The following ZNF596 variants were observed in gnomAD, a reference collection of about 807,000 sequenced individuals.
The protein encoded by ZNF596 is zinc finger protein 596.
A neutral mutation model predicts 48.3 loss-of-function variants in ZNF596; 45 were observed. The observed-to-expected ratio is 0.93, with a 90% confidence interval of 0.73 to 1.19. ZNF596 has a LOEUF of 1.19. Among genes scored for constraint, ZNF596 ranks in the 50% most tolerant of loss-of-function variants. ZNF596 has a pLI of 0.00. For synonymous variants in ZNF596, 270 were observed against 202.0 expected (o/e 1.34, Z -2.85); for missense variants, 848 against 599.7 (o/e 1.41, Z -4.32).
At chr8:238,628 CAAAAAAA>C (rs1167168569) in intron 1 of ZNF596, among the ~76,000 whole-genome samples, 5,568 of 39,504 alleles carry the variant, frequency 0.14, 48 homozygotes, top group Non-Finnish European at 0.25. Flanking sequence ...TGGTGAAATA[CAAAAAAA>C]AAAAAAAAAA....
rs375874171 is a variant in ZNF596, at chr8:245,562, C to A, written c.715C>A (p.Arg239=). The change falls in exon 6 of 6, where the codon CGA becomes AGA. Residue 239 remains arginine, a synonymous_variant. Coordinates refer to ENST00000398612, the MANE Select transcript of ZNF596 (RefSeq NM_001042416.3). ...AGCCTTTACTCATTGCTCTGATCTT[C>A]GAAAACATGAGAGAACTCACACTGG... ...GKAFTHCSDL[R]KHERTHTGEK... The A allele has an allele frequency of 6.2e-7, 1 of 1,611,680 alleles. No homozygotes were observed. Among genetic ancestry groups the A allele is most frequent in the Admixed American group, 1.7e-5 (1 of 59,760 alleles).
chr8:243,268 T>C (rs1003289905), intron 3 of ZNF596: 7 of 339,608 alleles, frequency 2.1e-5, no homozygotes, highest in African/African-American at 1.3e-4. Flanking sequence ...CTCTTTAATC[T>C]CCCAAACTCA....
intron 3 of ZNF596, 169 bp downstream of exon 3, chr8:243,182 C>A (rs542635763): frequency 5.9e-6 from 3 of 507,744 alleles, no homozygotes; most frequent in Non-Finnish European, 9.7e-6. Flanking sequence ...ACAGCCATTT[C>A]TTTCCTTTTC....
chr8:240,800 G>T, intron 1 of ZNF596, 24 bp from the exon 2 acceptor site: 13 of 1,499,458 alleles, frequency 8.7e-6, no homozygotes, highest in Middle Eastern at 1.7e-4. Context: ...TGGTTTTTTT[G>T]TTTTTGTTTT....
chr8:235,620 A>G (rs1177543898), intron 1 of ZNF596, among the ~76,000 whole-genome samples: 1 of 152,172 alleles, frequency 6.6e-6, no homozygotes. Context: ...TTTGATGTAT[A>G]TTAGATGCTA....
chr8:240,601 C>G (rs566053007), intron 1 of ZNF596: 2 of 400,476 alleles, frequency 5.0e-6, no homozygotes, highest in African/African-American at 4.0e-5. Flanking sequence ...TATGAAACTC[C>G]ATGATTTTCA....
At chr8:233,907 C>T (rs1487833090) in intron 1 of ZNF596, among the ~76,000 whole-genome samples, 2 of 152,112 alleles carry the variant, frequency 1.3e-5, no homozygotes, top group African/African-American at 4.8e-5. Flanking sequence ...CTGCCACTAT[C>T]GTATTAAGGT....
chr8:232,862 G>A (rs1796467906), intron 1 of ZNF596, 168 bp downstream of exon 1: 8 of 456,194 alleles, frequency 1.8e-5, no homozygotes, highest in Non-Finnish European at 3.2e-5. Context: ...CGGGGTGGCC[G>A]CCTCAGACAG....
At chr8:240,016 GCTT>G (rs1172054263) in intron 1 of ZNF596, among the ~76,000 whole-genome samples, 3 of 152,172 alleles carry the variant, frequency 2.0e-5, no homozygotes, top group Admixed American at 1.3e-4. Context: ...AAGAACAAAA[GCTT>G]CTCCTAGCAA....
chr8:242,455 T>A (rs1021864006), intron 2 of ZNF596, among the ~76,000 whole-genome samples: 4 of 152,232 alleles, frequency 2.6e-5, no homozygotes, highest in African/African-American at 9.6e-5. Flanking sequence ...CTGAGGACAC[T>A]GAGGTCCTAT....
chr8:242,507 T>C (rs555263709), intron 2 of ZNF596, among the ~76,000 whole-genome samples: 2 of 152,290 alleles, frequency 1.3e-5, no homozygotes, highest in South Asian at 4.1e-4. Context: ...ACGTGACAAA[T>C]TATGGATGCT....
In ZNF596 at chr8:243,560, A is replaced by G. The variant is rs1315246637; in HGVS notation, c.140-162A>G. On this transcript the variant is annotated intron_variant, in intron 3 of 5. Coordinates refer to ENST00000398612, the MANE Select transcript of ZNF596 (RefSeq NM_001042416.3). ...TCTGGGAACAAGTTCAAGAGTTTTCATTTTGCTCGTGAAGGACTGTCAATG... is the reference window on the plus strand; with the variant it reads ...TCTGGGAACAAGTTCAAGAGTTTTCGTTTTGCTCGTGAAGGACTGTCAATG... 5 of 570,262 alleles carry G rather than the reference A, an allele frequency of 8.8e-6. No homozygotes were observed. The Middle Eastern group carries it at 2.0e-3, about 230-fold the overall frequency. The allele number at this position is 570,262 out of a possible 1,614,324, so 35.3% of individuals were successfully genotyped here.
chr8:238,754 C>T (rs1466632184), intron 1 of ZNF596, among the ~76,000 whole-genome samples: 1 of 151,376 alleles, frequency 6.6e-6, no homozygotes, highest in African/African-American at 2.4e-5. Flanking sequence ...TTGCAGTGAG[C>T]TGGTATCGTG....
chr8:241,170 A>G (rs1181644743), intron 2 of ZNF596, among the ~76,000 whole-genome samples: 1 of 152,202 alleles, frequency 6.6e-6, no homozygotes, highest in Non-Finnish European at 1.5e-5. Context: ...ATCCAGTCTC[A>G]GGGAAATCAT....
At position 240,852 on chromosome 8, in the gene ZNF596, G is replaced by C. The variant is rs373093037; in HGVS notation, c.-44G>C. On this transcript the variant is annotated 5_prime_UTR_variant, in exon 2 of 6. An upstream open reading frame in the 5' UTR loses its in-frame stop. Coordinates refer to ENST00000398612, the MANE Select transcript of ZNF596 (RefSeq NM_001042416.3). Reference sequence around the variant, plus strand: ...TGTCTTCTTAGTGCTTGGATGGTGTGAGTGAAAACCCAGAGGAATACATTT... The same window carrying C: ...TGTCTTCTTAGTGCTTGGATGGTGTCAGTGAAAACCCAGAGGAATACATTT... 2.5e-6 allele frequency: 4 copies of C among 1,613,260 alleles called. No individual in the cohort carries two copies. In the East Asian group the frequency reaches 6.7e-5, roughly 27 times the overall value.
rs75600271 is a variant in ZNF596, at chr8:244,920, A to C, written c.306+219A>C. Among the ~76,000 whole-genome samples, 110 of 152,364 alleles carry C rather than the reference A, an allele frequency of 7.2e-4. 3 individuals are homozygous for C. The East Asian group carries it at 0.019, about 27-fold the overall frequency. On this transcript the variant is annotated intron_variant, in intron 5 of 5. Transcript: ENST00000398612. ...TGACTACGTGCTGAAACTTTCAAAC[A>C]TGATAAAGTCTTAATAACTAGTCAG...
chr8:234,780 G>C (rs536114770), intron 1 of ZNF596: 3 of 152,266 alleles, frequency 2.0e-5, no homozygotes, highest in East Asian at 3.9e-4. Context: ...AGTTCCATTC[G>C]GGGGATCATA....
rs1414326776 is a variant in ZNF596, at chr8:245,587, G to A, written c.740G>A (p.Gly247Glu). ...DLRKHERTHT[G>E]EKPYGCHLCG... ...CGAAAACATGAGAGAACTCACACTG[G>A]AGAGAAGCCATATGGATGTCATCTA... Residue 247 changes from glycine (G) to glutamate (E), a missense_variant, in exon 6 of 6, where the codon GGA becomes GAA. Transcript: ENST00000398612. 1 of 1,613,974 alleles carries A rather than the reference G, an allele frequency of 6.2e-7. No individual in the cohort carries two copies. The highest frequency in any genetic ancestry group is 8.5e-7 in the Non-Finnish European group (1 of 1,180,012).
intron 1 of ZNF596, among the ~76,000 whole-genome samples, chr8:235,670 A>G (rs1452450905): frequency 1.3e-5 from 2 of 152,134 alleles, no homozygotes; most frequent in African/African-American, 4.8e-5. Context: ...CGCACACACA[A>G]ACACACACTT....
Sources: gnomAD v4.1 joint callset for allele counts (sites outside exome capture counted in the v4.1 genomes callset) on GRCh38, gnomAD v4.1.1 for gene constraint, MANE v1.5 for transcripts, NCBI Gene and HGNC (gene_info 2026-07-23, HGNC 2026-07-21) for gene names.